The following PTPRT variants were observed in gnomAD, a reference collection of about 807,000 sequenced individuals.
PTPRT encodes receptor-type tyrosine-protein phosphatase T.
A neutral mutation model predicts 176.8 loss-of-function variants in PTPRT; 56 were observed. The ratio of observed to expected loss-of-function variants is 0.32; its 90% CI spans 0.26 to 0.40. The LOEUF (loss-of-function observed/expected upper bound fraction) is 0.40. Ranked by LOEUF, PTPRT falls within the 10% of genes least tolerant of loss-of-function variation. The pLI, the probability that PTPRT is intolerant of heterozygous loss-of-function variation, is 1.00. For synonymous variants in PTPRT, 783 were observed against 739.0 expected (o/e 1.06, Z -0.96); for missense variants, 1,540 against 1,908.2 (o/e 0.81, Z 3.60).
At chr20:42,844,287 C>T (rs376702087) in intron 2 of PTPRT, among the ~76,000 whole-genome samples, 1 of 152,118 alleles carries the variant, frequency 6.6e-6, no homozygotes, top group Non-Finnish European at 1.5e-5. Flanking sequence ...TGAAAACATA[C>T]CCCGGGTTCA....
chr20:42,252,390 G>A (rs773485370), intron 13 of PTPRT, among the ~76,000 whole-genome samples: 4 of 152,156 alleles, frequency 2.6e-5, no homozygotes, highest in Admixed American at 6.5e-5. Flanking sequence ...GCCTGTTGGT[G>A]AAATCACCCT....
chr20:42,186,971 T>C (rs997218822), intron 16 of PTPRT, among the ~76,000 whole-genome samples: 15 of 152,312 alleles, frequency 9.8e-5, no homozygotes, highest in African/African-American at 1.4e-4. Context: ...CCTGAATGTA[T>C]CCTTGCTATT....
chr20:42,385,206 A>G (rs2145647133), intron 9 of PTPRT, among the ~76,000 whole-genome samples: 1 of 152,316 alleles, frequency 6.6e-6, no homozygotes, highest in Middle Eastern at 3.4e-3. Context: ...GGTGTCTTAC[A>G]GCAGTAGATG....
At chr20:43,066,277 T>C (rs935118525) in intron 1 of PTPRT, among the ~76,000 whole-genome samples, 4 of 152,174 alleles carry the variant, frequency 2.6e-5, no homozygotes, top group Non-Finnish European at 4.4e-5. Context: ...CATCCATAAA[T>C]GTGTCTTCAT....
chr20:42,782,945 A>G (rs2077235737), intron 3 of PTPRT, among the ~76,000 whole-genome samples: 1 of 152,232 alleles, frequency 6.6e-6, no homozygotes, highest in Non-Finnish European at 1.5e-5. Flanking sequence ...TTGACTACTA[A>G]TCGTATAGGA....
intron 1 of PTPRT, among the ~76,000 whole-genome samples, chr20:43,054,374 C>T (rs965635690): frequency 6.6e-6 from 1 of 151,872 alleles, no homozygotes; most frequent in African/African-American, 2.4e-5. Flanking sequence ...GGCAACACGG[C>T]GAAACTTCGT....
chr20:42,078,641 A>G lies in PTPRT; in HGVS notation c.*2238T>C, dbSNP rs917352877. 1.1e-5 allele frequency: 2 copies of G among 180,064 alleles called. No individual in the cohort carries two copies. The highest frequency in any genetic ancestry group is 1.3e-4 in the Admixed American group (2 of 15,874). The allele number at this position is 180,064 out of a possible 1,614,324, so 11.2% of individuals were successfully genotyped here. ...TTGTTGCCAATAGGACAAAGTCTGT[A>G]CTCGCGATGGGCATCTGTCTCCTGG... On this transcript the variant is annotated 3_prime_UTR_variant, in exon 31 of 31. Coordinates refer to ENST00000373187, the MANE Select transcript of PTPRT (RefSeq NM_007050.6).
intron 6 of PTPRT, among the ~76,000 whole-genome samples, chr20:42,738,881 G>C (rs2146286933): frequency 6.6e-6 from 1 of 152,182 alleles, no homozygotes; most frequent in Admixed American, 6.5e-5. Flanking sequence ...AGACTAGCCT[G>C]GGCAACATGA....
At chr20:43,090,166 AAT>A (rs1389407729) in intron 1 of PTPRT, among the ~76,000 whole-genome samples, 4 of 152,254 alleles carry the variant, frequency 2.6e-5, no homozygotes, top group Non-Finnish European at 5.9e-5. Context: ...CTCCAGGAAA[AAT>A]AGAGAATCCA....
At position 42,076,200 on chromosome 20, in the gene PTPRT, T is replaced by A. The variant is rs1041814107; in HGVS notation, c.*4679A>T. The A allele has an allele frequency of 4.9e-6, 1 of 205,560 alleles. No homozygotes were observed. The highest frequency in any genetic ancestry group is 1.0e-5 in the Non-Finnish European group (1 of 100,502). The allele number at this position is 205,560 out of a possible 1,614,324, so 12.7% of individuals were successfully genotyped here. On this transcript the variant is annotated 3_prime_UTR_variant, in exon 31 of 31. Transcript: ENST00000373187. ...ATCTCGATTTCCTAATAGTGCCCCCTCCAAGGTGCTAGGTGCTGTAGGCAC... is the reference window on the plus strand; with the variant it reads ...ATCTCGATTTCCTAATAGTGCCCCCACCAAGGTGCTAGGTGCTGTAGGCAC...
chr20:42,512,177 A>G (rs1250095957), intron 7 of PTPRT, among the ~76,000 whole-genome samples: 2 of 152,188 alleles, frequency 1.3e-5, no homozygotes, highest in Non-Finnish European at 2.9e-5. Context: ...ATTTCTATGA[A>G]TTTTAATACA....
At position 42,322,175 on chromosome 20, in the gene PTPRT, C is replaced by A. The variant is rs191674423; in HGVS notation, c.1866-6179G>T. On this transcript the variant is annotated intron_variant, in intron 11 of 30. Coordinates refer to ENST00000373187, the MANE Select transcript of PTPRT (RefSeq NM_007050.6). ...GGAAGAATCAATATCGTGAAAATGG[C>A]CATACTGCCCAAGGTAATTTATAGA... Among the ~76,000 whole-genome samples, 874 of 151,934 alleles carry A rather than the reference C, an allele frequency of 5.8e-3. 9 individuals carry two copies. The highest frequency in any genetic ancestry group is 0.02 in the African/African-American group (826 of 41,332).
chr20:42,150,104 C>T (rs572491371), intron 17 of PTPRT, among the ~76,000 whole-genome samples: 56 of 152,272 alleles, frequency 3.7e-4, no homozygotes, highest in Non-Finnish European at 6.8e-4. Flanking sequence ...TCTACTGAGC[C>T]AAACCAACAG....
chr20:42,959,244 C>T (rs765308063), intron 1 of PTPRT, among the ~76,000 whole-genome samples: 2 of 152,060 alleles, frequency 1.3e-5, no homozygotes, highest in East Asian at 1.9e-4. Flanking sequence ...AGCTCATGTA[C>T]GTCAAGTGCT....
intron 16 of PTPRT, among the ~76,000 whole-genome samples, chr20:42,198,218 A>T (rs1991307149): frequency 2.0e-5 from 3 of 152,242 alleles, no homozygotes; most frequent in African/African-American, 7.2e-5. Flanking sequence ...AGCATTGCAT[A>T]GCTTACCTAT....
intron 7 of PTPRT, among the ~76,000 whole-genome samples, chr20:42,555,419 A>G (rs1400894119): frequency 6.6e-6 from 1 of 152,186 alleles, no homozygotes; most frequent in Non-Finnish European, 1.5e-5. Context: ...AACCATACAG[A>G]ACGATAATAG....
At chr20:43,053,291 T>G (rs1987115720) in intron 1 of PTPRT, among the ~76,000 whole-genome samples, 1 of 152,236 alleles carries the variant, frequency 6.6e-6, no homozygotes, top group South Asian at 2.1e-4. Context: ...CTGTTCTGGA[T>G]GCCAGCATCA....
intron 1 of PTPRT, among the ~76,000 whole-genome samples, chr20:42,949,573 C>A (rs1273475497): frequency 5.9e-5 from 9 of 152,158 alleles, no homozygotes; most frequent in Non-Finnish European, 1.5e-5. Context: ...GCTGGCCAGC[C>A]ATTTTTGCCT....
intron 9 of PTPRT, among the ~76,000 whole-genome samples, chr20:42,373,982 C>A (rs981820862): frequency 6.6e-6 from 1 of 152,146 alleles, no homozygotes; most frequent in Non-Finnish European, 1.5e-5. Flanking sequence ...GGGTCTGTCA[C>A]CCTGTTTGGG....
Sources: allele counts gnomAD v4.1 joint callset (sites outside exome capture counted in the v4.1 genomes callset), GRCh38; gene constraint gnomAD v4.1.1; transcripts MANE v1.5; gene names NCBI Gene and HGNC (gene_info 2026-07-23, HGNC 2026-07-21).